PARD3B: variants seen among roughly 807,000 people sequenced by gnomAD.
PARD3B encodes the protein partitioning defective 3 homolog B.
A neutral mutation model predicts 130.2 loss-of-function variants in PARD3B; 103 were observed. The observed-to-expected ratio is 0.79, with a 90% CI of 0.67 to 0.93. The LOEUF (loss-of-function observed/expected upper bound fraction) is 0.93, where lower values mean the gene tolerates loss of function less well. PARD3B is among the 40% of genes least tolerant of loss of function. PARD3B has a pLI of 0.00. For missense variants in PARD3B, 1,609 were observed against 1,499.2 expected (o/e 1.07, Z -1.21); for synonymous variants, 583 against 553.2 (o/e 1.05, Z -0.76).
Position 204,925,033 on chromosome 2 carries a change from G to A in PARD3B, c.223-40119G>A, listed in dbSNP as rs1156955457. Among the ~76,000 whole-genome samples the A allele has an allele frequency of 4.0e-5, 6 of 150,286 alleles. No individual in the cohort carries two copies. The East Asian group carries it at 1.2e-3, about 29-fold the overall frequency. On this transcript the variant is annotated intron_variant, in intron 2 of 22. Transcript: ENST00000406610. ...CATATATGATATACATATATATCAG[G>A]TATATAAATATATGTGTATATACAG...
Position 205,088,220 on chromosome 2 carries a change from C to G in PARD3B, c.505-16206C>G, listed in dbSNP as rs1007345910. Among the ~76,000 whole-genome samples the G allele has an allele frequency of 2.6e-5, 4 of 152,094 alleles. No individual in the cohort carries two copies. The East Asian group carries it at 7.7e-4, about 29-fold the overall frequency. ...TGGAAACTGAGGATCATGATAGAAA[C>G]GTACTCAGTGATGCATTTGACAGCT... On this transcript the variant is annotated intron_variant, in intron 4 of 22. Transcript: ENST00000406610.
intron 2 of PARD3B, among the ~76,000 whole-genome samples, chr2:204,731,094 A>G (rs1447421330): frequency 6.6e-6 from 1 of 152,160 alleles, no homozygotes; most frequent in African/African-American, 2.4e-5. Context: ...ATAATCCCTG[A>G]CCATATCTCA....
chr2:205,118,970 C>A lies in PARD3B; in HGVS notation c.730C>A (p.Arg244=), dbSNP rs987442524. 2 of 1,611,368 alleles carry A rather than the reference C, an allele frequency of 1.2e-6. No homozygotes were observed. The highest frequency in any genetic ancestry group is 1.7e-5 in the Admixed American group (1 of 59,626). ...CATTGAAGACAACAGCAGGTCCAAG[C>A]GGGAGGGACTATTTCACGAAAATGA... ...RGIEDNSRSK[R]EGLFHENECI... The change falls in exon 7 of 23, where the codon CGG becomes AGG. Residue 244 remains arginine, a synonymous_variant. Coordinates refer to ENST00000406610, the MANE Select transcript of PARD3B (RefSeq NM_001302769.2).
At chr2:204,811,116 C>A (rs913776388) in intron 2 of PARD3B, among the ~76,000 whole-genome samples, 10 of 151,984 alleles carry the variant, frequency 6.6e-5, no homozygotes, top group African/African-American at 9.7e-5. Context: ...TTCTGGTGGT[C>A]TCTGATAGCT....
At chr2:205,444,275 A>G (rs1380712202) in intron 20 of PARD3B, among the ~76,000 whole-genome samples, 1 of 151,380 alleles carries the variant, frequency 6.6e-6, no homozygotes, top group Non-Finnish European at 1.5e-5. Flanking sequence ...GAGCCACCAT[A>G]CCCGGCCTCT....
At chr2:204,991,934 T>C (rs1693734750) in intron 3 of PARD3B, among the ~76,000 whole-genome samples, 1 of 151,140 alleles carries the variant, frequency 6.6e-6, no homozygotes, top group Middle Eastern at 3.2e-3. Flanking sequence ...GTTTGTTTTT[T>C]TCTTGTAAAT....
chr2:205,601,772 A>T (rs1428449389), intron 22 of PARD3B, among the ~76,000 whole-genome samples: 3 of 151,934 alleles, frequency 2.0e-5, no homozygotes, highest in Non-Finnish European at 4.4e-5. Context: ...GGCTAATTGC[A>T]TGAATCTTCT....
At chr2:204,877,888 A>G (rs2045902842) in intron 2 of PARD3B, among the ~76,000 whole-genome samples, 1 of 152,202 alleles carries the variant, frequency 6.6e-6, no homozygotes, top group African/African-American at 2.4e-5. Context: ...GGCTACAGCA[A>G]TTTAACTATG....
chr2:204,706,305 T>G lies in PARD3B; in HGVS notation c.222+20023T>G, dbSNP rs546956043. On this transcript the variant is annotated intron_variant, in intron 2 of 22. Coordinates refer to ENST00000406610, the MANE Select transcript of PARD3B (RefSeq NM_001302769.2). ...TCGCTTGAACCTAGGAGGCAGAGGT[T>G]GCAGTGAGCTAAGATCGCACCACTG... Among the ~76,000 whole-genome samples, 6 of 150,690 alleles carry G rather than the reference T, an allele frequency of 4.0e-5. No individual in the cohort carries two copies. The South Asian group carries it at 1.3e-3, about 32-fold the overall frequency.
At chr2:204,719,569 CCTT>C (rs2038900126) in intron 2 of PARD3B, among the ~76,000 whole-genome samples, 1 of 152,096 alleles carries the variant, frequency 6.6e-6, no homozygotes, top group African/African-American at 2.4e-5. Context: ...CCACATGTAA[CCTT>C]CTGGTTATTT....
chr2:205,505,785 A>G (rs1017591289), intron 21 of PARD3B, among the ~76,000 whole-genome samples: 1 of 152,200 alleles, frequency 6.6e-6, no homozygotes, highest in Admixed American at 6.5e-5. Flanking sequence ...TTTAGCAATG[A>G]GATGCCTCTG....
intron 2 of PARD3B, among the ~76,000 whole-genome samples, chr2:204,913,385 C>A (rs2047318991): frequency 6.6e-6 from 1 of 152,160 alleles, no homozygotes; most frequent in South Asian, 2.1e-4. Flanking sequence ...ACAGTGCTGA[C>A]CTTATATGAC....
intron 2 of PARD3B, among the ~76,000 whole-genome samples, chr2:204,806,308 C>T (rs1469125441): frequency 6.6e-6 from 1 of 152,008 alleles, no homozygotes; most frequent in Non-Finnish European, 1.5e-5. Context: ...ACCAATGGAA[C>T]AGAATAGGGA....
intron 4 of PARD3B, among the ~76,000 whole-genome samples, chr2:205,052,139 G>A (rs1699232042): frequency 6.6e-6 from 1 of 151,890 alleles, no homozygotes; most frequent in Admixed American, 6.6e-5. Context: ...AACTTGCAAT[G>A]GAACAGAACT....
At chr2:205,083,811 C>T (rs1701580767) in intron 4 of PARD3B, among the ~76,000 whole-genome samples, 1 of 151,900 alleles carries the variant, frequency 6.6e-6, no homozygotes, top group African/African-American at 2.4e-5. Context: ...TTTAAACATA[C>T]ACAAAAATAG....
intron 16 of PARD3B, among the ~76,000 whole-genome samples, chr2:205,297,608 C>T (rs768635173): frequency 1.3e-5 from 2 of 152,106 alleles, no homozygotes; most frequent in African/African-American, 2.4e-5. Flanking sequence ...TGTCAGAGCC[C>T]CCAGTTCAGT....
rs140212984 is a variant in PARD3B at position 205,001,756 on chromosome 2, A to G, written c.394+36433A>G. ...GCAGAAAACTCCTTGTAGGGCAAAC[A>G]CCACACGGTTGCACAATACCCAGCA... On this transcript the variant is annotated intron_variant, in intron 3 of 22. Coordinates refer to ENST00000406610, the MANE Select transcript of PARD3B (RefSeq NM_001302769.2). Among the ~76,000 whole-genome samples the G allele has an allele frequency of 4.5e-3, 692 of 152,296 alleles. 5 individuals carry two copies. Among genetic ancestry groups the G allele is most frequent in the African/African-American group, 0.016 (665 of 41,564 alleles).
At chr2:204,607,536 C>G (rs1188051240) in intron 1 of PARD3B, among the ~76,000 whole-genome samples, 1 of 151,994 alleles carries the variant, frequency 6.6e-6, no homozygotes, top group Non-Finnish European at 1.5e-5. Flanking sequence ...CTTGTAAGGA[C>G]TAGAAAGCAG....
chr2:205,051,414 A>G (rs1699182233), intron 4 of PARD3B, among the ~76,000 whole-genome samples: 2 of 152,226 alleles, frequency 1.3e-5, no homozygotes, highest in Non-Finnish European at 2.9e-5. Flanking sequence ...TTCACGTATA[A>G]GTAATTCACA....
Sources: allele counts gnomAD v4.1 joint callset (sites outside exome capture counted in the v4.1 genomes callset), GRCh38; gene constraint gnomAD v4.1.1; transcripts MANE v1.5; gene names NCBI Gene and HGNC (gene_info 2026-07-23, HGNC 2026-07-21).